The following KCNMA1 variants were observed in gnomAD, a reference collection of about 807,000 sequenced individuals.
KCNMA1 encodes the protein potassium calcium-activated channel subfamily M alpha 1.
Under a neutral mutation model 140.0 loss-of-function variants are expected in KCNMA1, and 29 were observed. The ratio of observed to expected loss-of-function variants is 0.21; its 90% CI spans 0.15 to 0.28. The LOEUF (loss-of-function observed/expected upper bound fraction) is 0.28, where lower values mean the gene tolerates loss of function less well. Ranked by LOEUF, KCNMA1 falls within the 10% of genes least tolerant of loss-of-function variation. The probability of loss-of-function intolerance (pLI) is 1.00; values close to 1 mark genes in which losing one functional copy is unlikely to be tolerated. For synonymous variants in KCNMA1, 612 were observed against 611.9 expected, an observed-to-expected ratio of 1.00 and a Z score of 0.00; for missense variants, 880 against 1,602.2, an observed-to-expected ratio of 0.55 and a Z score of 7.70.
chr10:77,009,281 A>G (rs1303541890), intron 18 of KCNMA1, among the ~76,000 whole-genome samples: 2 of 152,204 alleles, frequency 1.3e-5, no homozygotes, highest in African/African-American at 2.4e-5. Context: ...GAAGAGAAGA[A>G]AATTATTTCA....
At position 76,885,362 on chromosome 10, in the gene KCNMA1, T is replaced by C. The variant is rs201024544; in HGVS notation, c.*1904A>G. On this transcript the variant is annotated 3_prime_UTR_variant, in exon 28 of 28. Transcript: ENST00000286628. ...CACTCATAGGGCTTGATAATTTACA[T>C]GTATACAATTATTCCCCACCACAAT... The C allele has an allele frequency of 8.1e-6, 8 of 983,416 alleles. No individual in the cohort carries two copies. The highest frequency in any genetic ancestry group is 9.7e-6 in the Non-Finnish European group (8 of 828,376). The allele number at this position is 983,416 out of a possible 1,614,324, so 60.9% of individuals were successfully genotyped here.
intron 1 of KCNMA1, among the ~76,000 whole-genome samples, chr10:77,493,509 A>G (rs2040693706): frequency 6.6e-6 from 1 of 152,226 alleles, no homozygotes; most frequent in Non-Finnish European, 1.5e-5. Flanking sequence ...TGCACGCCCA[A>G]CTGAGCGAGT....
At chr10:76,894,189 A>G (rs899729461) in intron 25 of KCNMA1, among the ~76,000 whole-genome samples, 1 of 152,228 alleles carries the variant, frequency 6.6e-6, no homozygotes, top group Non-Finnish European at 1.5e-5. Flanking sequence ...ATGATCTATT[A>G]ATTTTCAGTG....
At chr10:77,387,144 T>C (rs776021380) in intron 2 of KCNMA1, among the ~76,000 whole-genome samples, 1 of 152,190 alleles carries the variant, frequency 6.6e-6, no homozygotes, top group Non-Finnish European at 1.5e-5. Flanking sequence ...GTGCTTGCAT[T>C]TCTGTTTGTC....
chr10:77,515,205 C>T (rs567116680), intron 1 of KCNMA1, among the ~76,000 whole-genome samples: 87 of 152,094 alleles, frequency 5.7e-4, no homozygotes, highest in Non-Finnish European at 1.0e-3. Context: ...CATTCAGCAC[C>T]GGGGGATGGG....
rs1292635361 is a variant in KCNMA1 at position 77,108,050 on chromosome 10, T to A, written c.1223+431A>T. ...TCAGAAGAGAAAATATGGGCCCAGTTATAAATGGACTCCTTTCAGGATAAA... is the reference window on the plus strand; with the variant it reads ...TCAGAAGAGAAAATATGGGCCCAGTAATAAATGGACTCCTTTCAGGATAAA... On this transcript the variant is annotated intron_variant, in intron 9 of 27. Coordinates refer to ENST00000286628, the MANE Select transcript of KCNMA1 (RefSeq NM_001161352.2). The surrounding 1 kb of genome is among the most constrained non-coding windows in gnomAD (Gnocchi z 4.6). 1.3e-5 allele frequency among the ~76,000 whole-genome samples: 2 copies of A among 152,330 alleles called. No homozygotes were observed. Among genetic ancestry groups the A allele is most frequent in the East Asian group, 1.9e-4 (1 of 5,178 alleles).
chr10:76,909,929 C>T, intron 25 of KCNMA1, 37 bp downstream of exon 25: 2 of 1,607,472 alleles, frequency 1.2e-6, no homozygotes, highest in Non-Finnish European at 1.7e-6. Flanking sequence ...GCACATCCTC[C>T]ACCCTTGAGT....
At chr10:77,296,514 C>T (rs2075153384) in intron 2 of KCNMA1, among the ~76,000 whole-genome samples, 1 of 152,140 alleles carries the variant, frequency 6.6e-6, no homozygotes, top group African/African-American at 2.4e-5. Flanking sequence ...CTTTTAAAAC[C>T]AACTAATTCA....
At chr10:77,514,704 G>A (rs2049733975) in intron 1 of KCNMA1, among the ~76,000 whole-genome samples, 1 of 152,176 alleles carries the variant, frequency 6.6e-6, no homozygotes, top group African/African-American at 2.4e-5. Context: ...CAGTGGCAGG[G>A]TGGGTGGAAT....
At chr10:77,574,600 A>G (rs2154561652) in intron 1 of KCNMA1, among the ~76,000 whole-genome samples, 1 of 152,278 alleles carries the variant, frequency 6.6e-6, no homozygotes, top group Admixed American at 6.5e-5. Flanking sequence ...GGTCTCTGCC[A>G]CTCACTCATT....
intron 3 of KCNMA1, among the ~76,000 whole-genome samples, chr10:77,195,239 G>A (rs560509529): frequency 1.5e-4 from 23 of 152,258 alleles, no homozygotes; most frequent in African/African-American, 5.5e-4. Flanking sequence ...TTCCTATTTA[G>A]GAGTTTTGTT....
intron 3 of KCNMA1, among the ~76,000 whole-genome samples, chr10:77,239,197 A>C (rs2056542452): frequency 6.6e-6 from 1 of 152,228 alleles, no homozygotes; most frequent in African/African-American, 2.4e-5. Flanking sequence ...CAAACTCCTT[A>C]ATGCACTCCT....
At chr10:76,955,768 G>A (rs1319813562) in intron 20 of KCNMA1, among the ~76,000 whole-genome samples, 1 of 152,166 alleles carries the variant, frequency 6.6e-6, no homozygotes, top group African/African-American at 2.4e-5. Context: ...CAGTTGCATA[G>A]ATATCTATTA....
rs2093916797 is a variant in KCNMA1, at chr10:77,637,767, CGGGAG to C, written c.-130_-126del. On this transcript the variant is annotated 5_prime_UTR_variant, in exon 1 of 28. Transcript: ENST00000286628. ...CCGCCGCCGCCGCCGCCGCGGAGCG[CGGGAG>C]GGGGGCGGGGAGGCGCCTGGGCTCG... The C allele has an allele frequency of 7.8e-7, 1 of 1,279,986 alleles. No homozygotes were observed. Among genetic ancestry groups the C allele is most frequent in the Non-Finnish European group, 9.8e-7 (1 of 1,018,828 alleles). 79.3% of individuals were successfully genotyped at this position (1,279,986 alleles called of 1,614,324 possible). A position where few individuals can be genotyped will look rare whatever the true frequency, so the allele number is the denominator to read the frequency against.
chr10:77,524,063 A>G (rs1387277122), intron 1 of KCNMA1, among the ~76,000 whole-genome samples: 1 of 152,236 alleles, frequency 6.6e-6, no homozygotes, highest in African/African-American at 2.4e-5. Context: ...GGCTCCATAA[A>G]TCTACACACC....
chr10:77,027,164 T>C (rs752285244), intron 16 of KCNMA1, among the ~76,000 whole-genome samples: 12 of 152,208 alleles, frequency 7.9e-5, no homozygotes, highest in Non-Finnish European at 1.6e-4. Flanking sequence ...GCACGATGCT[T>C]CCCACCTCCA....
chr10:77,069,784 T>C (rs2096120118), intron 14 of KCNMA1, among the ~76,000 whole-genome samples: 1 of 152,156 alleles, frequency 6.6e-6, no homozygotes, highest in Admixed American at 6.5e-5. Flanking sequence ...GCCTCTTTTG[T>C]AATTCCTGTA....
At chr10:77,345,851 T>C (rs1014208810) in intron 2 of KCNMA1, among the ~76,000 whole-genome samples, 1 of 152,168 alleles carries the variant, frequency 6.6e-6, no homozygotes, top group Admixed American at 6.5e-5. Flanking sequence ...CAATAAATAA[T>C]GATGGGATAA....
chr10:77,601,217 C>T (rs979326990), intron 1 of KCNMA1, among the ~76,000 whole-genome samples: 11 of 152,134 alleles, frequency 7.2e-5, no homozygotes, highest in African/African-American at 1.7e-4. Context: ...CTGGGGCTCA[C>T]GTGGGGAAGG....
Sources: allele counts gnomAD v4.1 joint callset (sites outside exome capture counted in the v4.1 genomes callset), GRCh38; gene constraint gnomAD v4.1.1; non-coding constraint Gnocchi (gnomAD v3.1); transcripts MANE v1.5; gene names NCBI Gene and HGNC (gene_info 2026-07-23, HGNC 2026-07-21).